The following SYNJ2BP variants were observed in gnomAD, a reference collection of about 807,000 sequenced individuals.
SYNJ2BP encodes synaptojanin 2 binding protein.
A neutral mutation model predicts 16.9 loss-of-function variants in SYNJ2BP; 10 were observed. The observed-to-expected ratio is 0.59, with a 90% CI of 0.36 to 1.00. The LOEUF is 1.00. SYNJ2BP is among the 50% of genes least tolerant of loss of function. The pLI is 0.01. For missense variants in SYNJ2BP, 162 were observed against 186.7 expected (o/e 0.87, Z 0.77); for synonymous variants, 54 against 68.4 (o/e 0.79, Z 1.04).
intron 1 of SYNJ2BP, among the ~76,000 whole-genome samples, chr14:70,412,625 T>TAGTATATATACAGTATATATATGTATAG (rs1888511451): frequency 6.7e-6 from 1 of 149,516 alleles, no homozygotes; most frequent in Non-Finnish European, 1.5e-5. Flanking sequence ...TATATGTATA[T>TAGTATATATACAGTATATATATGTATAG]ATAGTAACTA....
rs1351172655 is a variant in SYNJ2BP, at chr14:70,371,823, G to A, written c.*1168C>T. 6.6e-6 allele frequency: 1 copy of A among 152,184 alleles called. No homozygotes were observed. Among genetic ancestry groups the A allele is most frequent in the Non-Finnish European group, 1.5e-5 (1 of 68,044 alleles). The allele number at this position is 152,184 out of a possible 1,614,324, so 9.4% of individuals were successfully genotyped here. A position where few individuals can be genotyped will look rare whatever the true frequency, so the allele number is the denominator to read the frequency against. ...TAGAAACCAAAAAGTAGCCTGAGAG[G>A]GTTCAGGTGCCACCTTGGAGGCACT... On this transcript the variant is annotated 3_prime_UTR_variant, in exon 4 of 4. Transcript: ENST00000256366.
intron 2 of SYNJ2BP, among the ~76,000 whole-genome samples, chr14:70,386,983 T>A (rs1427762951): frequency 6.6e-6 from 1 of 152,236 alleles, no homozygotes; most frequent in Non-Finnish European, 1.5e-5. Context: ...CTTGCCCTAT[T>A]CAGTTCTAAA....
chr14:70,383,884 T>G (rs1887802998), intron 2 of SYNJ2BP, among the ~76,000 whole-genome samples: 1 of 152,140 alleles, frequency 6.6e-6, no homozygotes, highest in South Asian at 2.1e-4. Flanking sequence ...TTAAGAAAAT[T>G]TTTCTTTCTT....
intron 1 of SYNJ2BP, among the ~76,000 whole-genome samples, chr14:70,400,871 TA>T (rs1325422333): frequency 2.0e-5 from 3 of 152,248 alleles, no homozygotes; most frequent in African/African-American, 7.2e-5. Flanking sequence ...CTAACATAGC[TA>T]GGGGTGTGGC....
intron 1 of SYNJ2BP, among the ~76,000 whole-genome samples, chr14:70,398,218 A>G (rs1394922879): frequency 3.9e-5 from 6 of 152,186 alleles, no homozygotes; most frequent in Non-Finnish European, 5.9e-5. Context: ...GGGCAGCCAC[A>G]GACAGCCCAG....
At chr14:70,393,020 G>A (rs947448960) in intron 1 of SYNJ2BP, among the ~76,000 whole-genome samples, 2 of 152,128 alleles carry the variant, frequency 1.3e-5, no homozygotes, top group Non-Finnish European at 2.9e-5. Flanking sequence ...GAGTGGACAG[G>A]TAACCTACAA....
rs1292670433 is a variant in SYNJ2BP at position 70,369,086 on chromosome 14, C to G, written c.*3905G>C. 1 of 152,158 alleles carries G rather than the reference C, an allele frequency of 6.6e-6. No individual in the cohort carries two copies. Among genetic ancestry groups the G allele is most frequent in the Non-Finnish European group, 1.5e-5 (1 of 68,042 alleles). The allele number at this position is 152,158 out of a possible 1,614,324, so 9.4% of individuals were successfully genotyped here. ...ACTAGGTCTGGAACTTCTTTTTTCT[C>G]TTCTGGGAACTTGCTTTTTGTTTTT... On this transcript the variant is annotated 3_prime_UTR_variant, in exon 4 of 4. Transcript: ENST00000256366.
chr14:70,373,081 A>C lies in SYNJ2BP; in HGVS notation c.348T>G (p.Ser116Arg), dbSNP rs1887551377. Reference sequence around the variant, plus strand: ...CCAGCACCATAAATATGGGAATACCACTTGGGTCCCCTTCACCTCGATGTC... The same window carrying C: ...CCAGCACCATAAATATGGGAATACCCCTTGGGTCCCCTTCACCTCGATGTC... ...PIGHRGEGDP[S>R]GIPIFMVLVP... Residue 116 changes from serine (S) to arginine (R), a missense_variant, in exon 4 of 4, where the codon AGT (serine) becomes AGG (arginine). Ser to Arg is a moderately radical substitution (Grantham distance 110, BLOSUM62 -1). Transcript: ENST00000256366. 6.2e-7 allele frequency: 1 copy of C among 1,614,060 alleles called. No homozygotes were observed. The highest frequency in any genetic ancestry group is 1.3e-5 in the African/African-American group (1 of 74,926).
chr14:70,416,635 T>C (rs1027679268), intron 1 of SYNJ2BP, among the ~76,000 whole-genome samples: 2 of 152,220 alleles, frequency 1.3e-5, no homozygotes, highest in African/African-American at 4.8e-5. Flanking sequence ...AAAAGGCTTT[T>C]CTAGCACGAT....
intron 2 of SYNJ2BP, among the ~76,000 whole-genome samples, chr14:70,387,831 A>C (rs1445784292): frequency 2.7e-5 from 3 of 113,130 alleles, no homozygotes; most frequent in African/African-American, 9.6e-5. Flanking sequence ...AATCTATCTC[A>C]AAAAAAAAAA....
intron 2 of SYNJ2BP, among the ~76,000 whole-genome samples, chr14:70,384,872 A>G (rs1887826397): frequency 6.6e-6 from 1 of 152,162 alleles, no homozygotes; most frequent in South Asian, 2.1e-4. Context: ...TTTTCTTTAT[A>G]AATTACCCAG....
intron 3 of SYNJ2BP, 142 bp downstream of exon 3, chr14:70,375,534 G>T: frequency 9.4e-7 from 1 of 1,061,832 alleles, no homozygotes; most frequent in Non-Finnish European, 1.3e-6. Context: ...AAGTACCAAT[G>T]GACCCCTCCC....
chr14:70,394,671 T>A (rs952831852), intron 1 of SYNJ2BP, among the ~76,000 whole-genome samples: 3 of 152,040 alleles, frequency 2.0e-5, no homozygotes, highest in African/African-American at 7.2e-5. Flanking sequence ...CTTGGAAAGT[T>A]AAACAAGAAA....
chr14:70,410,567 G>C (rs1260382787), intron 1 of SYNJ2BP, among the ~76,000 whole-genome samples: 3 of 152,140 alleles, frequency 2.0e-5, no homozygotes, highest in Non-Finnish European at 4.4e-5. Context: ...ATGCATGCAT[G>C]TGTTCACTGC....
intron 2 of SYNJ2BP, among the ~76,000 whole-genome samples, chr14:70,380,404 C>T (rs1359195876): frequency 6.6e-6 from 1 of 152,104 alleles, no homozygotes; most frequent in African/African-American, 2.4e-5. Flanking sequence ...TGGCTCACAC[C>T]TGCAATCCCA....
At chr14:70,375,542 C>T (rs1887611617) in intron 3 of SYNJ2BP, 134 bp downstream of exon 3, 2 of 1,160,350 alleles carry the variant, frequency 1.7e-6, no homozygotes, top group South Asian at 3.6e-5. Flanking sequence ...ATGGACCCCT[C>T]CCTTTGCCTG....
chr14:70,381,091 G>C (rs1887739385), intron 2 of SYNJ2BP, among the ~76,000 whole-genome samples: 1 of 152,180 alleles, frequency 6.6e-6, no homozygotes, highest in Admixed American at 6.5e-5. Context: ...AAGCCTGACT[G>C]ACATAATCTC....
chr14:70,373,595 C>A (rs1451714839), intron 3 of SYNJ2BP, among the ~76,000 whole-genome samples: 1 of 152,112 alleles, frequency 6.6e-6, no homozygotes, highest in Admixed American at 6.5e-5. Context: ...AGGTGCAATA[C>A]CAACATACGT....
At position 70,367,773 on chromosome 14, in the gene SYNJ2BP, T is replaced by G. The variant is rs1887425216; in HGVS notation, c.*5218A>C. 3 of 152,056 alleles carry G rather than the reference T, an allele frequency of 2.0e-5. No homozygotes were observed. The South Asian group carries it at 6.2e-4, about 32-fold the overall frequency. 9.4% of individuals were successfully genotyped at this position (152,056 alleles called of 1,614,324 possible). A position where few individuals can be genotyped will look rare whatever the true frequency, so the allele number is the denominator to read the frequency against. On this transcript the variant is annotated 3_prime_UTR_variant, in exon 4 of 4. Coordinates refer to ENST00000256366, the MANE Select transcript of SYNJ2BP (RefSeq NM_018373.3). The stretch of plus-strand genomic sequence containing the variant: ...TATTACAGGTGAGAGGTAGACAGCT[T>G]CATAACTCAATCTTCTACTACCAGG...
Sources: allele counts gnomAD v4.1 joint callset (sites outside exome capture counted in the v4.1 genomes callset), GRCh38; gene constraint gnomAD v4.1.1; transcripts MANE v1.5; gene names NCBI Gene and HGNC (gene_info 2026-07-23, HGNC 2026-07-21).